Variants in USP34 observed in about 807,000 individuals in gnomAD.
The protein encoded by USP34 is ubiquitin carboxyl-terminal hydrolase 34.
USP34 carries 70 observed loss-of-function variants against 460.3 expected under a neutral mutation model. That is an observed-to-expected ratio of 0.15 (90% confidence interval 0.13 to 0.19). The LOEUF (loss-of-function observed/expected upper bound fraction) is 0.19. Among genes scored for constraint, USP34 ranks in the 10% least tolerant of loss-of-function variants. The pLI is 1.00. For missense variants in USP34, 3,985 were observed against 4,236.2 expected, an observed-to-expected ratio of 0.94 and a Z score of 1.65; for synonymous variants, 1,647 against 1,405.3, an observed-to-expected ratio of 1.17 and a Z score of -3.85.
At position 61,285,348 on chromosome 2, in the gene USP34, T is replaced by G. The variant is rs796380231; in HGVS notation, c.4750-391A>C. Among the ~76,000 whole-genome samples, 4 of 151,356 alleles carry G rather than the reference T, an allele frequency of 2.6e-5. No individual in the cohort carries two copies. In the South Asian group the frequency reaches 6.2e-4, roughly 24 times the overall value. On this transcript the variant is annotated intron_variant, in intron 34 of 79. Coordinates refer to ENST00000398571, the MANE Select transcript of USP34 (RefSeq NM_014709.4). ...ACTAAAAATACAAAAATTAGCTGGG[T>G]GTGTGGTGCATGTCTACAGTCCCAT...
At chr2:61,217,402 T>C (rs1687434117) in intron 67 of USP34, among the ~76,000 whole-genome samples, 1 of 152,238 alleles carries the variant, frequency 6.6e-6, no homozygotes. Context: ...AGTATTCCTA[T>C]GAAGCTTTTC....
intron 2 of USP34, 130 bp from the exon 3 acceptor site, chr2:61,406,258 G>T: frequency 2.5e-6 from 2 of 792,872 alleles, no homozygotes; most frequent in Non-Finnish European, 1.9e-6. Context: ...TCCTGCTGGG[G>T]TACACCTTAA....
chr2:61,250,515 C>A, intron 48 of USP34: 1 of 160,202 alleles, frequency 6.2e-6, no homozygotes, highest in South Asian at 1.9e-4. Flanking sequence ...GGCATATTCT[C>A]TGCAAAATTT....
chr2:61,383,635 C>CGG (rs547023681), intron 5 of USP34, among the ~76,000 whole-genome samples: 8 of 150,954 alleles, frequency 5.3e-5, no homozygotes, highest in Non-Finnish European at 8.9e-5. Flanking sequence ...CCCCCACCCC[C>CGG]GGGGGGGGCG....
At chr2:61,453,839 AC>A (rs1404916263) in intron 1 of USP34, among the ~76,000 whole-genome samples, 1 of 152,042 alleles carries the variant, frequency 6.6e-6, no homozygotes, top group Non-Finnish European at 1.5e-5. Flanking sequence ...AAACAGGAAA[AC>A]ATTAGTTAAA....
chr2:61,279,617 G>A (rs1206969446), intron 39 of USP34, among the ~76,000 whole-genome samples: 1 of 152,034 alleles, frequency 6.6e-6, no homozygotes, highest in Non-Finnish European at 1.5e-5. Flanking sequence ...AGGCACCTGT[G>A]ACTATGCCCA....
Position 61,316,348 on chromosome 2 carries a change from G to A in USP34, c.3282+1306C>T, listed in dbSNP as rs147303059. Among the ~76,000 whole-genome samples the A allele has an allele frequency of 2.2e-3, 329 of 152,324 alleles. 1 individual carries two copies. Among genetic ancestry groups the A allele is most frequent in the African/African-American group, 7.4e-3 (309 of 41,558 alleles). On this transcript the variant is annotated intron_variant, in intron 23 of 79. Coordinates refer to ENST00000398571, the MANE Select transcript of USP34 (RefSeq NM_014709.4). ...ACCTATAATCCCAGCACTTTGGGAG[G>A]CCAAGGCGGGTGGAAAACTTGAGGT...
chr2:61,441,365 C>T (rs535668079), intron 1 of USP34, among the ~76,000 whole-genome samples: 2 of 152,054 alleles, frequency 1.3e-5, no homozygotes, highest in African/African-American at 4.8e-5. Flanking sequence ...TGCGCCCCAC[C>T]TCCCAGCCCC....
At chr2:61,299,358 T>C (rs181521702) in intron 29 of USP34, among the ~76,000 whole-genome samples, 1 of 152,326 alleles carries the variant, frequency 6.6e-6, no homozygotes, top group African/African-American at 2.4e-5. Flanking sequence ...CATGAATACA[T>C]GAAAAGGTCT....
chr2:61,239,834 C>G (rs1364871970), intron 53 of USP34, among the ~76,000 whole-genome samples: 1 of 151,796 alleles, frequency 6.6e-6, no homozygotes, highest in Non-Finnish European at 1.5e-5. Flanking sequence ...CAGTGAAACC[C>G]CTCTCTACTA....
intron 58 of USP34, 62 bp from the exon 59 acceptor site, chr2:61,229,695 T>C (rs1687836997): frequency 7.1e-7 from 1 of 1,409,310 alleles, no homozygotes; most frequent in Non-Finnish European, 9.8e-7. Flanking sequence ...ATTTGAAAAA[T>C]TAACATGATT....
chr2:61,354,294 T>C (rs1460911862), intron 10 of USP34, among the ~76,000 whole-genome samples: 2 of 152,176 alleles, frequency 1.3e-5, no homozygotes, highest in African/African-American at 4.8e-5. Context: ...GATAAGATTA[T>C]CAGCGAATTT....
intron 15 of USP34, among the ~76,000 whole-genome samples, chr2:61,347,623 C>G (rs535706988): frequency 7.2e-5 from 11 of 152,286 alleles, no homozygotes; most frequent in Admixed American, 6.5e-4. Flanking sequence ...ATCCACCTGC[C>G]TCGGCCTCCC....
chr2:61,196,312 G>A (rs1269013889), intron 75 of USP34, among the ~76,000 whole-genome samples: 4 of 148,576 alleles, frequency 2.7e-5, no homozygotes, highest in Non-Finnish European at 4.5e-5. Context: ...GGATAGTCTC[G>A]ATCTCCTGAC....
Position 61,228,733 on chromosome 2 carries a change from C to T in USP34, c.7369-14G>A, listed in dbSNP as rs1486512895. On this transcript the variant is annotated splice_polypyrimidine_tract_variant and intron_variant, in intron 60 of 79. Transcript: ENST00000398571. ...CAAAAATTGGCTCTAAACAAACAAACAAACAAAATTTAAAAATATAAAATA... is the reference window on the plus strand; with the variant it reads ...CAAAAATTGGCTCTAAACAAACAAATAAACAAAATTTAAAAATATAAAATA... The T allele has an allele frequency of 6.3e-7, 1 of 1,598,848 alleles. No homozygotes were observed. Among genetic ancestry groups the T allele is most frequent in the Non-Finnish European group, 8.5e-7 (1 of 1,175,140 alleles).
chr2:61,444,677 G>C lies in USP34; in HGVS notation c.44-23844C>G, dbSNP rs550255632. Among the ~76,000 whole-genome samples the C allele has an allele frequency of 3.8e-4, 58 of 152,252 alleles. 1 individual carries two copies. The highest frequency in any genetic ancestry group is 1.3e-3 in the African/African-American group (55 of 41,564). ...GCAAATGATGCACATTAAAGGGCTAGGGTGGGAGGGCCAGCTTTTTCACGG... is the reference window on the plus strand; with the variant it reads ...GCAAATGATGCACATTAAAGGGCTACGGTGGGAGGGCCAGCTTTTTCACGG... On this transcript the variant is annotated intron_variant, in intron 1 of 79. Transcript: ENST00000398571.
chr2:61,447,254 C>CAAAAAAAA (rs763711140), intron 1 of USP34, among the ~76,000 whole-genome samples: 1 of 59,620 alleles, frequency 1.7e-5, no homozygotes, highest in Non-Finnish European at 3.0e-5. Context: ...AACTGTCTTC[C>CAAAAAAAA]AAAAAAAAAA....
At chr2:61,335,661 C>T (rs1691394023) in intron 18 of USP34, among the ~76,000 whole-genome samples, 1 of 152,092 alleles carries the variant, frequency 6.6e-6, no homozygotes, top group African/African-American at 2.4e-5. Flanking sequence ...AGGTGGGAGA[C>T]TCGCTTGAGC....
At chr2:61,350,121 A>T in intron 12 of USP34, 139 bp downstream of exon 12, 1 of 861,248 alleles carries the variant, frequency 1.2e-6, no homozygotes, top group Non-Finnish European at 1.7e-6. Flanking sequence ...TCACAGTATT[A>T]ATCCTTTTAT....
Sources: gnomAD v4.1 joint callset for allele counts (sites outside exome capture counted in the v4.1 genomes callset) on GRCh38, gnomAD v4.1.1 for gene constraint, MANE v1.5 for transcripts, NCBI Gene and HGNC (gene_info 2026-07-23, HGNC 2026-07-21) for gene names.